METTL14: variants seen among roughly 807,000 people sequenced by gnomAD.
METTL14 encodes N(6)-adenosine-methyltransferase non-catalytic subunit METTL14.
A neutral mutation model predicts 62.4 loss-of-function variants in METTL14; 32 were observed. The observed-to-expected ratio is 0.51, with a 90% confidence interval of 0.39 to 0.69. METTL14 has a LOEUF of 0.69. Ranked by LOEUF, METTL14 falls within the 30% of genes least tolerant of loss-of-function variation. The probability of loss-of-function intolerance (pLI) is 0.00; values close to 1 mark genes in which losing one functional copy is unlikely to be tolerated. For synonymous variants in METTL14, 150 were observed against 180.0 expected, an observed-to-expected ratio of 0.83 and a Z score of 1.34; for missense variants, 340 against 551.9, an observed-to-expected ratio of 0.62 and a Z score of 3.85.
In METTL14 at chr4:118,714,054, A is replaced by G. The variant is rs962812993; in HGVS notation, c.*3752A>G. Reference sequence around the variant, plus strand: ...CTAATAAACTGAAATCAGATAAGGTAGGTTTTTCCAAAAATACTTCTAAAT... The same window carrying G: ...CTAATAAACTGAAATCAGATAAGGTGGGTTTTTCCAAAAATACTTCTAAAT... On this transcript the variant is annotated 3_prime_UTR_variant, in exon 11 of 11. Coordinates refer to ENST00000388822, the MANE Select transcript of METTL14 (RefSeq NM_020961.4). 6 of 152,222 alleles carry G rather than the reference A, an allele frequency of 3.9e-5. No homozygotes were observed. Among genetic ancestry groups the G allele is most frequent in the Non-Finnish European group, 7.3e-5 (5 of 68,030 alleles). The allele number at this position is 152,222 out of a possible 1,614,324, so 9.4% of individuals were successfully genotyped here.
rs750028082 is a variant in METTL14, at chr4:118,691,962, A to G, written c.325-19A>G. ...CATTACAATGCATGTTACAAATTTA[A>G]TTTTGTTTTTTAATTTAGGGAACAC... On this transcript the variant is annotated intron_variant, in intron 4 of 10. Coordinates refer to ENST00000388822, the MANE Select transcript of METTL14 (RefSeq NM_020961.4). The G allele has an allele frequency of 3.2e-5, 49 of 1,539,020 alleles. No individual in the cohort carries two copies. The highest frequency in any genetic ancestry group is 2.7e-4 in the African/African-American group (20 of 73,042).
At chr4:118,688,062 T>C in intron 2 of METTL14, 51 bp downstream of exon 2, 3 of 1,432,888 alleles carry the variant, frequency 2.1e-6, no homozygotes, top group Non-Finnish European at 2.9e-6. Context: ...GGTTTCACTC[T>C]GTTGCTTAGG....
At chr4:118,688,722 T>C (rs1178635352) in intron 2 of METTL14, among the ~76,000 whole-genome samples, 1 of 152,110 alleles carries the variant, frequency 6.6e-6, no homozygotes, top group Non-Finnish European at 1.5e-5. Context: ...TCACCAGGCT[T>C]GAGTGCAGTG....
chr4:118,698,962 T>G lies in METTL14; in HGVS notation c.646-1588T>G, dbSNP rs75604802. 5.3e-3 allele frequency among the ~76,000 whole-genome samples: 809 copies of G among 152,220 alleles called. 6 individuals carry two copies. The highest frequency in any genetic ancestry group is 0.019 in the African/African-American group (775 of 41,528). ...AGTAAAGCCGGGAAAACATTTACAT[T>G]TAAAGACTACATATAAAAGAAATTT... On this transcript the variant is annotated intron_variant, in intron 7 of 10. Transcript: ENST00000388822.
At chr4:118,703,753 T>C (rs1477733627) in intron 8 of METTL14, among the ~76,000 whole-genome samples, 182 bp from the exon 9 acceptor site, 1 of 152,210 alleles carries the variant, frequency 6.6e-6, no homozygotes, top group Admixed American at 6.5e-5. Context: ...TTCCGTATTA[T>C]GGCTATGTAT....
At position 118,705,782 on chromosome 4, in the gene METTL14, C is replaced by T. The variant is rs764382902; in HGVS notation, c.1027C>T (p.Arg343Cys). 3.7e-6 allele frequency: 6 copies of T among 1,613,962 alleles called. No individual in the cohort carries two copies. Among genetic ancestry groups the T allele is most frequent in the South Asian group, 1.1e-5 (1 of 91,066 alleles). ...IIEHFCLGRR[R>C]LHLFGRDSTI... The stretch of plus-strand genomic sequence containing the variant: ...TGAGCATTTTTGTCTTGGTAGAAGA[C>T]GCCTTCATCTATTTGGAAGAGATAG... The change falls in exon 10 of 11, where the codon CGC (arginine) becomes TGC (cysteine). Residue 343 changes from arginine to cysteine, a missense_variant. This residue lies in a region of METTL14 where 62 missense variants were observed against 82.3 expected (regional missense o/e 0.75). Transcript: ENST00000388822.
chr4:118,697,466 G>A, intron 7 of METTL14, 143 bp downstream of exon 7: 1 of 711,286 alleles, frequency 1.4e-6, no homozygotes, highest in Non-Finnish European at 2.1e-6. Context: ...TATAGCTGAA[G>A]GTCCAAGGTA....
rs762516415 is a variant in METTL14, at chr4:118,704,113, T to C, written c.855+62T>C. The C allele has an allele frequency of 2.5e-4, 250 of 994,366 alleles. 1 individual carries two copies. Among genetic ancestry groups the C allele is most frequent in the Non-Finnish European group, 1.1e-4 (75 of 652,950 alleles). The allele number at this position is 994,366 out of a possible 1,614,324, so 61.6% of individuals were successfully genotyped here. A position where few individuals can be genotyped will look rare whatever the true frequency, so the allele number is the denominator to read the frequency against. ...TGATTTTCTCTCAAGCTTTTCCAAA[T>C]AACTGTATACTGTTTAATTAACTTC... On this transcript the variant is annotated intron_variant, in intron 9 of 10. Transcript: ENST00000388822.
intron 10 of METTL14, among the ~76,000 whole-genome samples, chr4:118,706,608 A>G (rs1724762357): frequency 6.6e-6 from 1 of 152,212 alleles, no homozygotes; most frequent in Non-Finnish European, 1.5e-5. Context: ...CAAGGAGCAC[A>G]AATGCTGGAT....
At chr4:118,688,174 A>G (rs1281675107) in intron 2 of METTL14, among the ~76,000 whole-genome samples, 163 bp downstream of exon 2, 1 of 151,968 alleles carries the variant, frequency 6.6e-6, no homozygotes, top group African/African-American at 2.4e-5. Context: ...TGCTGAGATT[A>G]CAGATATGAG....
rs1232000878 is a variant in METTL14 at position 118,691,573 on chromosome 4, TGAA to T, written c.291_293del (p.Glu98del). On this transcript the variant is annotated inframe_deletion, in exon 4 of 11. Transcript: ENST00000388822. ...AACAGGATGAAGAAAATTTGCCATA[TGAA>T]GAAGAGATTTACAAAGATTCTAGTA... 3.9e-6 allele frequency: 6 copies of T among 1,557,206 alleles called. No individual in the cohort carries two copies. The highest frequency in any genetic ancestry group is 5.2e-6 in the Non-Finnish European group (6 of 1,150,454).
rs549992396 is a variant in METTL14, at chr4:118,711,027, A to G, written c.*725A>G. 15 of 152,282 alleles carry G rather than the reference A, an allele frequency of 9.9e-5. No individual in the cohort carries two copies. The highest frequency in any genetic ancestry group is 5.2e-4 in the Admixed American group (8 of 15,302). The allele number at this position is 152,282 out of a possible 1,614,324, so 9.4% of individuals were successfully genotyped here. A position where few individuals can be genotyped will look rare whatever the true frequency, so the allele number is the denominator to read the frequency against. ...GACAAATATTCATGTGCTAGATAGCACTGTGGTGTGGACTTGAACTTGGAT... is the reference window on the plus strand; with the variant it reads ...GACAAATATTCATGTGCTAGATAGCGCTGTGGTGTGGACTTGAACTTGGAT... On this transcript the variant is annotated 3_prime_UTR_variant, in exon 11 of 11. Coordinates refer to ENST00000388822, the MANE Select transcript of METTL14 (RefSeq NM_020961.4).
intron 10 of METTL14, among the ~76,000 whole-genome samples, chr4:118,709,091 ATATATTTGAAT>A (rs1416556390): frequency 6.6e-6 from 1 of 152,250 alleles, no homozygotes. Flanking sequence ...CATGTAAGAA[ATATATTTGAAT>A]TGGATGTTGA....
intron 3 of METTL14, 76 bp downstream of exon 3, chr4:118,689,533 A>C: frequency 1.6e-5 from 12 of 772,280 alleles, no homozygotes; most frequent in Non-Finnish European, 2.3e-5. Flanking sequence ...CAGGAAAACA[A>C]ATTTGATGGA....
At chr4:118,705,384 G>A (rs553367704) in intron 9 of METTL14, among the ~76,000 whole-genome samples, 1 of 152,184 alleles carries the variant, frequency 6.6e-6, no homozygotes, top group South Asian at 2.1e-4. Context: ...CTGAGGCGGG[G>A]GATTGCTTGA....
In METTL14 at chr4:118,710,203, C is replaced by T. The variant is rs142851794; in HGVS notation, c.1272C>T (p.Gly424=). ...RGGGRGGTSA[G]RGRERNRSNF... ...GAGGAAGAGGTGGAACTTCTGCTGG[C>T]CGTGGACGAGAAAGAAATAGATCTA... Residue 424 remains glycine, a synonymous_variant, in exon 11 of 11, where the codon GGC becomes GGT. Coordinates refer to ENST00000388822, the MANE Select transcript of METTL14 (RefSeq NM_020961.4). 51 of 1,614,142 alleles carry T rather than the reference C, an allele frequency of 3.2e-5. No homozygotes were observed. The African/African-American group carries it at 4.9e-4, about 16-fold the overall frequency.
At chr4:118,705,943 A>G (rs1184355813) in intron 10 of METTL14, 122 bp downstream of exon 10, 2 of 802,926 alleles carry the variant, frequency 2.5e-6, no homozygotes, top group African/African-American at 1.7e-5. Flanking sequence ...CTGTACTTCA[A>G]ATATGAACAG....
chr4:118,700,515 A>G (rs1724556670), intron 7 of METTL14, 35 bp from the exon 8 acceptor site: 1 of 1,530,302 alleles, frequency 6.5e-7, no homozygotes, highest in Non-Finnish European at 9.0e-7. Context: ...GGGAAACAAA[A>G]TACTTTTATG....
At chr4:118,692,328 G>A (rs111489988) in intron 5 of METTL14, among the ~76,000 whole-genome samples, 4 of 149,368 alleles carry the variant, frequency 2.7e-5, no homozygotes, top group African/African-American at 7.4e-5. Context: ...TCCCAGATTC[G>A]AGCGATTCTC....
Sources: gnomAD v4.1 joint callset for allele counts (sites outside exome capture counted in the v4.1 genomes callset) on GRCh38, gnomAD v4.1.1 for gene constraint, gnomAD v4.1.1 regional missense constraint, MANE v1.5 for transcripts, NCBI Gene and HGNC (gene_info 2026-07-23, HGNC 2026-07-21) for gene names.